Variants in DOK6 observed in about 807,000 individuals in gnomAD.
DOK6 encodes downstream of tyrosine kinase 6.
A neutral mutation model predicts 44.0 loss-of-function variants in DOK6; 22 were observed. The observed-to-expected ratio is 0.50, with a 90% CI of 0.36 to 0.71. DOK6 has a LOEUF of 0.71. DOK6 is among the 30% of genes least tolerant of loss of function. The pLI, the probability that DOK6 is intolerant of heterozygous loss-of-function variation, is 0.00. For missense variants in DOK6, 340 were observed against 416.4 expected (o/e 0.82, Z 1.60); for synonymous variants, 166 against 145.5 (o/e 1.14, Z -1.01).
chr18:69,520,826 AT>A (rs1256029053), intron 1 of DOK6, among the ~76,000 whole-genome samples: 1 of 151,762 alleles, frequency 6.6e-6, no homozygotes, highest in East Asian at 1.9e-4. Flanking sequence ...TTAGCCTGAA[AT>A]TTTTCTTTCA....
chr18:69,733,279 T>A (rs1230878903), intron 5 of DOK6, among the ~76,000 whole-genome samples: 2 of 152,214 alleles, frequency 1.3e-5, no homozygotes, highest in Non-Finnish European at 1.5e-5. Context: ...AAAATGTTCC[T>A]TCTATACTTA....
At chr18:69,738,908 C>A in intron 5 of DOK6, 57 bp from the exon 6 acceptor site, 1 of 1,590,514 alleles carries the variant, frequency 6.3e-7, no homozygotes, top group South Asian at 1.1e-5. Flanking sequence ...ACGTGGAAAA[C>A]TGTTATGCAC....
intron 5 of DOK6, among the ~76,000 whole-genome samples, chr18:69,737,669 T>C (rs982676632): frequency 6.6e-6 from 1 of 152,208 alleles, no homozygotes; most frequent in Non-Finnish European, 1.5e-5. Flanking sequence ...AGATGCCTTA[T>C]TTCATGATCA....
chr18:69,704,284 G>T (rs1321334148), intron 5 of DOK6, among the ~76,000 whole-genome samples: 2 of 152,070 alleles, frequency 1.3e-5, no homozygotes, highest in East Asian at 3.9e-4. Flanking sequence ...GGAATATTTG[G>T]AAAGTATATT....
At chr18:69,751,504 A>G (rs1169226846) in intron 6 of DOK6, among the ~76,000 whole-genome samples, 1 of 152,200 alleles carries the variant, frequency 6.6e-6, no homozygotes, top group African/African-American at 2.4e-5. Context: ...ATATATATAG[A>G]GCAGGAAATG....
In DOK6 at chr18:69,544,669, C is replaced by G. The variant is rs1352975523; in HGVS notation, c.67-19818C>G. On this transcript the variant is annotated intron_variant, in intron 1 of 7. Transcript: ENST00000382713. ...GGAACTGGGTCTTGGCATGATCAAA[C>G]CCTATGCTAACTGGATCCATAAAAT... 2.6e-5 allele frequency among the ~76,000 whole-genome samples: 4 copies of G among 151,580 alleles called. No homozygotes were observed. In the South Asian group the frequency reaches 8.4e-4, roughly 32 times the overall value.
intron 1 of DOK6, among the ~76,000 whole-genome samples, chr18:69,459,048 A>ATCACGCC (rs149579147): frequency 0.19 from 28,334 of 147,576 alleles, 3,231 homozygotes; most frequent in South Asian, 0.31. Flanking sequence ...GTGAGCTGAC[A>ATCACGCC]TCACGCCACT....
intron 1 of DOK6, among the ~76,000 whole-genome samples, chr18:69,500,012 A>G (rs570990453): frequency 4.2e-4 from 64 of 152,228 alleles, no homozygotes; most frequent in African/African-American, 1.5e-3. Context: ...TAAATGGATA[A>G]TATTAGTACC....
chr18:69,512,278 A>C (rs1385591559), intron 1 of DOK6, among the ~76,000 whole-genome samples: 1 of 145,326 alleles, frequency 6.9e-6, no homozygotes, highest in East Asian at 2.1e-4. Context: ...GTCATACTTT[A>C]TTCAAATGTT....
chr18:69,602,416 A>G (rs541361067), intron 3 of DOK6, among the ~76,000 whole-genome samples: 17 of 152,352 alleles, frequency 1.1e-4, no homozygotes, highest in African/African-American at 3.8e-4. Flanking sequence ...AAAACTTTCA[A>G]GGTCATTACA....
At chr18:69,559,663 G>C (rs894204939) in intron 1 of DOK6, among the ~76,000 whole-genome samples, 2 of 152,082 alleles carry the variant, frequency 1.3e-5, no homozygotes, top group South Asian at 2.1e-4. Context: ...ATCTTAGTCA[G>C]TTCCAGCTTC....
chr18:69,583,890 T>C (rs925322502), intron 2 of DOK6, among the ~76,000 whole-genome samples: 2 of 152,220 alleles, frequency 1.3e-5, no homozygotes, highest in East Asian at 1.9e-4. Context: ...GGGAGGATCA[T>C]GAAGTCAGGA....
chr18:69,819,322 C>T (rs140416112), intron 7 of DOK6, among the ~76,000 whole-genome samples: 2,107 of 152,210 alleles, frequency 0.014, 40 homozygotes, highest in African/African-American at 0.048. Context: ...CATTAATGCA[C>T]ATTTTTAAAC....
At chr18:69,655,233 G>C (rs1315217746) in intron 3 of DOK6, among the ~76,000 whole-genome samples, 1 of 151,520 alleles carries the variant, frequency 6.6e-6, no homozygotes, top group Non-Finnish European at 1.5e-5. Context: ...GCAAGTAATG[G>C]GAAAAGTTTT....
intron 3 of DOK6, among the ~76,000 whole-genome samples, chr18:69,624,583 A>G (rs1253387328): frequency 1.3e-5 from 2 of 152,152 alleles, no homozygotes; most frequent in East Asian, 3.9e-4. Flanking sequence ...TAAATGACAT[A>G]CAATTAGCTG....
chr18:69,462,915 A>G (rs925474346), intron 1 of DOK6, among the ~76,000 whole-genome samples: 1 of 152,206 alleles, frequency 6.6e-6, no homozygotes, highest in African/African-American at 2.4e-5. Flanking sequence ...CCTGCTTTTC[A>G]TTACCCTTCA....
Position 69,599,860 on chromosome 18 carries a change from A to T in DOK6, c.289+362A>T, listed in dbSNP as rs369145631. Among the ~76,000 whole-genome samples, 14 of 152,276 alleles carry T rather than the reference A, an allele frequency of 9.2e-5. No individual in the cohort carries two copies. In the East Asian group the frequency reaches 1.5e-3, roughly 17 times the overall value. On this transcript the variant is annotated intron_variant, in intron 3 of 7. Coordinates refer to ENST00000382713, the MANE Select transcript of DOK6 (RefSeq NM_152721.6). ...GGGCAGGAATCAGGGTGCTGTGCAA[A>T]AGCATGGCAGAGCACAGCCCCAGTC...
chr18:69,551,940 G>C (rs1178592806), intron 1 of DOK6, among the ~76,000 whole-genome samples: 1 of 152,082 alleles, frequency 6.6e-6, no homozygotes, highest in Non-Finnish European at 1.5e-5. Context: ...AAAAATAATT[G>C]CAAAATGCAT....
chr18:69,612,457 GC>G (rs1178946996), intron 3 of DOK6, among the ~76,000 whole-genome samples: 1 of 146,408 alleles, frequency 6.8e-6, no homozygotes, highest in Admixed American at 6.7e-5. Context: ...ATGTGTGCGA[GC>G]GTGCATATGT....
Sources: gnomAD v4.1 joint callset for allele counts (sites outside exome capture counted in the v4.1 genomes callset) on GRCh38, gnomAD v4.1.1 for gene constraint, MANE v1.5 for transcripts, NCBI Gene and HGNC (gene_info 2026-07-23, HGNC 2026-07-21) for gene names.